Variants in ASCC3 observed in about 807,000 individuals in gnomAD.
ASCC3 encodes ASC-1 complex subunit P200.
A neutral mutation model predicts 256.3 loss-of-function variants in ASCC3; 158 were observed. The observed-to-expected ratio is 0.62, with a 90% CI of 0.54 to 0.70. The LOEUF is 0.70. Among genes scored for constraint, ASCC3 ranks in the 30% least tolerant of loss-of-function variants. The pLI is 0.00. For missense variants in ASCC3, 2,259 were observed against 2,626.0 expected (o/e 0.86, Z 3.05); for synonymous variants, 948 against 883.4 (o/e 1.07, Z -1.30).
intron 13 of ASCC3, among the ~76,000 whole-genome samples, chr6:100,714,265 A>C (rs1481627282): frequency 2.6e-5 from 4 of 152,196 alleles, no homozygotes; most frequent in African/African-American, 4.8e-5. Context: ...ACCTAGAACA[A>C]ATAGTTTTTA....
At chr6:100,558,887 A>G (rs989529534) in intron 36 of ASCC3, among the ~76,000 whole-genome samples, 2 of 152,078 alleles carry the variant, frequency 1.3e-5, no homozygotes, top group Non-Finnish European at 2.9e-5. Context: ...TTTTTGTAGG[A>G]GCTTTTTCTA....
At chr6:100,787,961 T>G (rs1018554354) in intron 8 of ASCC3, among the ~76,000 whole-genome samples, 2 of 138,664 alleles carry the variant, frequency 1.4e-5, no homozygotes, top group Admixed American at 7.0e-5. Context: ...CATAATCGAG[T>G]TTTTTTTTTT....
At chr6:100,582,260 A>T (rs1028342183) in intron 36 of ASCC3, among the ~76,000 whole-genome samples, 2 of 151,834 alleles carry the variant, frequency 1.3e-5, no homozygotes, top group African/African-American at 4.8e-5. Flanking sequence ...CTTTTATTTC[A>T]TTGAGCAGTG....
At chr6:100,731,005 A>G (rs1168161825) in intron 10 of ASCC3, among the ~76,000 whole-genome samples, 1 of 152,202 alleles carries the variant, frequency 6.6e-6, no homozygotes, top group African/African-American at 2.4e-5. Context: ...TGAAAAGTAT[A>G]ATATAATAAA....
At chr6:100,513,933 T>C (rs539957504) in intron 39 of ASCC3, among the ~76,000 whole-genome samples, 1 of 152,134 alleles carries the variant, frequency 6.6e-6, no homozygotes, top group African/African-American at 2.4e-5. Flanking sequence ...AATCAGTTGT[T>C]ACCTTCTCAG....
intron 10 of ASCC3, among the ~76,000 whole-genome samples, chr6:100,730,499 A>T (rs1478537831): frequency 6.6e-6 from 1 of 152,200 alleles, no homozygotes; most frequent in Non-Finnish European, 1.5e-5. Flanking sequence ...TACAAATCAC[A>T]TTCTAACACT....
chr6:100,751,104 A>G (rs1470679511), intron 10 of ASCC3, among the ~76,000 whole-genome samples: 1 of 151,776 alleles, frequency 6.6e-6, no homozygotes, highest in Admixed American at 6.6e-5. Context: ...CCCTTAGACT[A>G]TTCCCTCATG....
chr6:100,749,579 A>C (rs1442229372), intron 10 of ASCC3, among the ~76,000 whole-genome samples: 1 of 152,008 alleles, frequency 6.6e-6, no homozygotes, highest in Non-Finnish European at 1.5e-5. Flanking sequence ...ACTATGCAAC[A>C]ACATACCTTG....
chr6:100,736,153 A>G (rs539834386), intron 10 of ASCC3, among the ~76,000 whole-genome samples: 89 of 115,700 alleles, frequency 7.7e-4, no homozygotes, highest in African/African-American at 2.6e-3. Context: ...AATATTGGTG[A>G]TAACTATTCT....
At chr6:100,672,154 T>C (rs528104634) in intron 14 of ASCC3, among the ~76,000 whole-genome samples, 2 of 152,044 alleles carry the variant, frequency 1.3e-5, no homozygotes, top group South Asian at 4.1e-4. Context: ...AACTCAATTT[T>C]TTCTTAGCAC....
chr6:100,584,544 C>A (rs563207236), intron 36 of ASCC3, among the ~76,000 whole-genome samples: 23 of 152,190 alleles, frequency 1.5e-4, no homozygotes, highest in Admixed American at 3.3e-4. Flanking sequence ...ATCCAATTTG[C>A]CAGTCTGTCT....
chr6:100,537,704 T>C (rs920672166), intron 37 of ASCC3, among the ~76,000 whole-genome samples: 1 of 151,950 alleles, frequency 6.6e-6, no homozygotes, highest in Non-Finnish European at 1.5e-5. Flanking sequence ...CATACTCATG[T>C]GGGTGAAGGT....
At chr6:100,742,425 C>T (rs762699838) in intron 10 of ASCC3, among the ~76,000 whole-genome samples, 15 of 152,160 alleles carry the variant, frequency 9.9e-5, no homozygotes, top group Non-Finnish European at 2.1e-4. Context: ...GGGTACGCTT[C>T]CACATTTGGG....
intron 38 of ASCC3, 48 bp from the exon 39 acceptor site, chr6:100,516,375 G>A: frequency 1.2e-6 from 2 of 1,609,068 alleles, no homozygotes; most frequent in African/African-American, 1.3e-5. Flanking sequence ...ACAGCACAAA[G>A]AAGATTTTCT....
chr6:100,590,182 C>A (rs1394511711), intron 34 of ASCC3, 123 bp from the exon 35 acceptor site: 3 of 712,492 alleles, frequency 4.2e-6, no homozygotes, highest in Non-Finnish European at 7.2e-6. Flanking sequence ...TCCTCAGTAA[C>A]ATCACAAAAC....
At chr6:100,795,574 G>A (rs3949519) in intron 8 of ASCC3, among the ~76,000 whole-genome samples, 10,027 of 152,098 alleles carry the variant, frequency 0.066, 756 homozygotes, top group East Asian at 0.3. Flanking sequence ...AGTGACTCCT[G>A]ACTAATCAAG....
intron 40 of ASCC3, among the ~76,000 whole-genome samples, chr6:100,511,331 T>C (rs560299135): frequency 6.6e-6 from 1 of 152,212 alleles, no homozygotes; most frequent in African/African-American, 2.4e-5. Flanking sequence ...GGAAGGAGAA[T>C]TGCTTAAACC....
chr6:100,623,452 T>C, intron 30 of ASCC3, among the ~76,000 whole-genome samples: 1 of 152,182 alleles, frequency 6.6e-6, no homozygotes, highest in East Asian at 1.9e-4. Flanking sequence ...CACAATAATG[T>C]AATACATACA....
rs752844649 is a variant in ASCC3, at chr6:100,661,781, C to G, written c.2703+25G>C. ...ATTCTTAAGGCTGATGATTCTATTC[C>G]AAACTTTTACTCATTAGATCTTACC... On this transcript the variant is annotated intron_variant, in intron 16 of 41. Coordinates refer to ENST00000369162, the MANE Select transcript of ASCC3 (RefSeq NM_006828.4). The G allele has an allele frequency of 2.5e-6, 4 of 1,604,924 alleles. No homozygotes were observed. The South Asian group carries it at 4.4e-5, about 18-fold the overall frequency.
Sources: gnomAD v4.1 joint callset for allele counts (sites outside exome capture counted in the v4.1 genomes callset) on GRCh38, gnomAD v4.1.1 for gene constraint, MANE v1.5 for transcripts, NCBI Gene and HGNC (gene_info 2026-07-23, HGNC 2026-07-21) for gene names.